The following RB1 variants were observed in gnomAD, a reference collection of about 807,000 sequenced individuals.
RB1 encodes RB transcriptional corepressor 1.
In RB1, 18 loss-of-function variants were observed where a neutral mutation model predicts 135.4. That is an observed-to-expected ratio of 0.13 (90% confidence interval 0.09 to 0.20). RB1 has a LOEUF of 0.20. Ranked by LOEUF, RB1 falls within the 10% of genes least tolerant of loss-of-function variation. The pLI is 1.00. For missense variants in RB1, 868 were observed against 1,110.0 expected, an observed-to-expected ratio of 0.78 and a Z score of 3.10; for synonymous variants, 365 against 373.2, an observed-to-expected ratio of 0.98 and a Z score of 0.25.
rs554926124 is a variant in RB1 at position 48,318,485 on chromosome 13, C to T, written c.264+11079C>T. On this transcript the variant is annotated intron_variant, in intron 2 of 26. Transcript: ENST00000267163. Reference sequence around the variant, plus strand: ...CGTCCAGGTGCCTCACCTCGTCTGTCTTACCCTGGCCCTGCGTCATGCGAG... The same window carrying T: ...CGTCCAGGTGCCTCACCTCGTCTGTTTTACCCTGGCCCTGCGTCATGCGAG... 3.7e-5 allele frequency: 45 copies of T among 1,221,870 alleles called. No individual in the cohort carries two copies. In the African/African-American group the frequency reaches 5.5e-4, roughly 15 times the overall value. 75.7% of individuals were successfully genotyped at this position (1,221,870 alleles called of 1,614,324 possible). A position where few individuals can be genotyped will look rare whatever the true frequency, so the allele number is the denominator to read the frequency against.
intron 11 of RB1, among the ~76,000 whole-genome samples, chr13:48,369,178 C>T (rs1261871393): frequency 1.3e-5 from 2 of 152,160 alleles, no homozygotes; most frequent in Non-Finnish European, 2.9e-5. Context: ...ATTTGATCTG[C>T]ATGCAACCTT....
Position 48,347,922 on chromosome 13 carries a change from C to A in RB1, c.539+59C>A. The A allele has an allele frequency of 3.1e-6, 4 of 1,281,410 alleles. No individual in the cohort carries two copies. The Admixed American group carries it at 7.1e-5, about 23-fold the overall frequency. The allele number at this position is 1,281,410 out of a possible 1,614,324, so 79.4% of individuals were successfully genotyped here. A position where few individuals can be genotyped will look rare whatever the true frequency, so the allele number is the denominator to read the frequency against. ...AAAAAAAAGATTTTTATGGAATAAT[C>A]TCAAACATCTTGATAGTTAGGGTTA... On this transcript the variant is annotated intron_variant, in intron 5 of 26. Transcript: ENST00000267163.
intron 4 of RB1, among the ~76,000 whole-genome samples, chr13:48,345,410 A>T (rs956975819): frequency 1.3e-5 from 2 of 152,186 alleles, no homozygotes; most frequent in African/African-American, 4.8e-5. Flanking sequence ...CCGTTTTATT[A>T]TCCTTTCATG....
intron 17 of RB1, among the ~76,000 whole-genome samples, chr13:48,409,712 C>T (rs1464712940): frequency 1.3e-5 from 2 of 150,506 alleles, no homozygotes; most frequent in Admixed American, 6.7e-5. Flanking sequence ...TCCCGAGTAG[C>T]TGGGACTACA....
intron 2 of RB1, among the ~76,000 whole-genome samples, chr13:48,326,358 T>C (rs1566181324): frequency 2.6e-5 from 4 of 152,128 alleles, no homozygotes. Context: ...TGGTCTTGTT[T>C]TTTGTTTGTT....
At chr13:48,477,898 T>C (rs774935521) in intron 26 of RB1, among the ~76,000 whole-genome samples, 3 of 152,194 alleles carry the variant, frequency 2.0e-5, no homozygotes, top group Non-Finnish European at 4.4e-5. Flanking sequence ...AGAACACTTA[T>C]GTCATTTTCC....
chr13:48,455,026 C>T (rs929756598), intron 18 of RB1, among the ~76,000 whole-genome samples: 5 of 152,066 alleles, frequency 3.3e-5, no homozygotes, highest in African/African-American at 1.2e-4. Context: ...GCGAGGAAAC[C>T]AATTTGGAGA....
intron 17 of RB1, chr13:48,389,507 AG>A (rs1566202239): frequency 6.6e-6 from 1 of 152,214 alleles, no homozygotes; most frequent in Non-Finnish European, 1.5e-5. Context: ...TCAGAAAGGT[AG>A]GGTTTAAATA....
intron 17 of RB1, among the ~76,000 whole-genome samples, chr13:48,383,965 G>A (rs1948554963): frequency 6.6e-6 from 1 of 152,010 alleles, no homozygotes; most frequent in African/African-American, 2.4e-5. Context: ...GCCTTGAATT[G>A]AGAGAGATAC....
At chr13:48,411,567 A>C in intron 17 of RB1, 1 of 1,613,850 alleles carries the variant, frequency 6.2e-7, no homozygotes, top group Non-Finnish European at 8.5e-7. Flanking sequence ...TATAGGGTCA[A>C]AACAACAGTT....
At position 48,303,795 on chromosome 13, in the gene RB1, G is replaced by T. The variant is rs1279272564; in HGVS notation, c.-118G>T. 4 of 1,420,390 alleles carry T rather than the reference G, an allele frequency of 2.8e-6. No individual in the cohort carries two copies. Among genetic ancestry groups the T allele is most frequent in the Non-Finnish European group, 3.7e-6 (4 of 1,077,532 alleles). 88.0% of individuals were successfully genotyped at this position (1,420,390 alleles called of 1,614,324 possible). Reference sequence around the variant, plus strand: ...GCGCGTCCGGTTTTTCTCAGGGGACGTTGAAATTATTTTTGTAACGGGAGT... The same window carrying T: ...GCGCGTCCGGTTTTTCTCAGGGGACTTTGAAATTATTTTTGTAACGGGAGT... On this transcript the variant is annotated 5_prime_UTR_variant, in exon 1 of 27. Coordinates refer to ENST00000267163, the MANE Select transcript of RB1 (RefSeq NM_000321.3).
intron 20 of RB1, among the ~76,000 whole-genome samples, chr13:48,462,507 T>A (rs899798200): frequency 1.3e-5 from 2 of 152,244 alleles, no homozygotes; most frequent in African/African-American, 4.8e-5. Context: ...AAGTCACTTA[T>A]CACATATATA....
rs992488554 is a variant in RB1 at position 48,481,852 on chromosome 13, T to C, written c.*1781T>C. The C allele has an allele frequency of 1.8e-5, 4 of 219,016 alleles. No homozygotes were observed. The highest frequency in any genetic ancestry group is 8.9e-5 in the African/African-American group (4 of 44,728). The allele number at this position is 219,016 out of a possible 1,614,324, so 13.6% of individuals were successfully genotyped here. A position where few individuals can be genotyped will look rare whatever the true frequency, so the allele number is the denominator to read the frequency against. ...GTTACTATTTTCTACAATTAATAGTTTGTCTATTTTAAAATAAATTAGTTG... is the reference window on the plus strand; with the variant it reads ...GTTACTATTTTCTACAATTAATAGTCTGTCTATTTTAAAATAAATTAGTTG... On this transcript the variant is annotated 3_prime_UTR_variant, in exon 27 of 27. Coordinates refer to ENST00000267163, the MANE Select transcript of RB1 (RefSeq NM_000321.3).
At chr13:48,477,759 T>C (rs1949513118) in intron 26 of RB1, among the ~76,000 whole-genome samples, 1 of 152,198 alleles carries the variant, frequency 6.6e-6, no homozygotes, top group Admixed American at 6.5e-5. Context: ...AAACCTAGCA[T>C]ATGTAAACAT....
intron 11 of RB1, among the ~76,000 whole-genome samples, chr13:48,370,027 T>C (rs934924198): frequency 2.0e-4 from 30 of 152,334 alleles, no homozygotes; most frequent in African/African-American, 6.7e-4. Flanking sequence ...ACTGTATAGA[T>C]ATGTAAATGG....
chr13:48,458,339 G>T (rs1435827671), intron 19 of RB1, among the ~76,000 whole-genome samples: 1 of 152,122 alleles, frequency 6.6e-6, no homozygotes. Flanking sequence ...CTGTGCATGC[G>T]TATATACTTC....
intron 7 of RB1, chr13:48,360,360 G>C: frequency 1.2e-6 from 1 of 828,744 alleles, no homozygotes; most frequent in Non-Finnish European, 1.7e-6. Context: ...GGAGGTTTGG[G>C]AGACAAGAAA....
chr13:48,457,319 G>C (rs1472410009), intron 19 of RB1, among the ~76,000 whole-genome samples: 1 of 152,140 alleles, frequency 6.6e-6, no homozygotes, highest in East Asian at 1.9e-4. Context: ...GCAGCTGCTC[G>C]TCCTGACAAG....
chr13:48,338,844 G>A (rs1413461763), intron 2 of RB1, among the ~76,000 whole-genome samples: 1 of 152,112 alleles, frequency 6.6e-6, no homozygotes, highest in Non-Finnish European at 1.5e-5. Flanking sequence ...GTGACGTACA[G>A]ATGGGGGTAT....
Sources: allele counts gnomAD v4.1 joint callset (sites outside exome capture counted in the v4.1 genomes callset), GRCh38; gene constraint gnomAD v4.1.1; transcripts MANE v1.5; gene names NCBI Gene and HGNC (gene_info 2026-07-23, HGNC 2026-07-21).